SLC35F1: variants seen among roughly 807,000 people sequenced by gnomAD.
The protein encoded by SLC35F1 is solute carrier family 35 member F1.
SLC35F1 carries 14 observed loss-of-function variants against 48.7 expected under a neutral mutation model. That is an observed-to-expected ratio of 0.29 (90% confidence interval 0.19 to 0.45). SLC35F1 has a LOEUF of 0.45. Among genes scored for constraint, SLC35F1 ranks in the 20% least tolerant of loss-of-function variants. The pLI is 1.00. For synonymous variants in SLC35F1, 190 were observed against 202.2 expected, an observed-to-expected ratio of 0.94 and a Z score of 0.51; for missense variants, 404 against 500.0, an observed-to-expected ratio of 0.81 and a Z score of 1.83.
In SLC35F1 at chr6:118,287,183, A is replaced by G. The variant is rs530498869; in HGVS notation, c.1002+1845A>G. On this transcript the variant is annotated intron_variant, in intron 7 of 7. Coordinates refer to ENST00000360388, the MANE Select transcript of SLC35F1 (RefSeq NM_001029858.4). ...GCTGCTCCTAACCAGTGCTGGGAAG[A>G]CCAGCTTCCTTCAAAATCCCCCTCC... Among the ~76,000 whole-genome samples, 15 of 152,308 alleles carry G rather than the reference A, an allele frequency of 9.8e-5. No individual in the cohort carries two copies. The East Asian group carries it at 2.9e-3, about 29-fold the overall frequency.
chr6:118,089,954 G>C (rs1773049141), intron 1 of SLC35F1, among the ~76,000 whole-genome samples: 1 of 152,164 alleles, frequency 6.6e-6, no homozygotes, highest in Admixed American at 6.5e-5. Flanking sequence ...TAAAACAGCA[G>C]CTGGTAATGT....
chr6:118,139,125 T>G (rs895157410), intron 1 of SLC35F1, among the ~76,000 whole-genome samples: 2 of 152,114 alleles, frequency 1.3e-5, no homozygotes, highest in African/African-American at 4.8e-5. Flanking sequence ...TTTTTTTTTG[T>G]TTTTTGAGAC....
At chr6:118,030,244 G>A (rs1772026171) in intron 1 of SLC35F1, among the ~76,000 whole-genome samples, 1 of 152,194 alleles carries the variant, frequency 6.6e-6, no homozygotes. Context: ...TGTGGTCAGA[G>A]GTTTGTGTCT....
At chr6:117,951,654 G>A (rs1315252377) in intron 1 of SLC35F1, among the ~76,000 whole-genome samples, 1 of 152,170 alleles carries the variant, frequency 6.6e-6, no homozygotes, top group Non-Finnish European at 1.5e-5. Flanking sequence ...CTTGAAAGAA[G>A]TGTTAACCAG....
At chr6:118,009,517 T>C (rs1777218231) in intron 1 of SLC35F1, among the ~76,000 whole-genome samples, 1 of 152,168 alleles carries the variant, frequency 6.6e-6, no homozygotes, top group Admixed American at 6.6e-5. Context: ...CAGAAAACAC[T>C]GATTTGCTCT....
At chr6:118,235,664 A>G in intron 3 of SLC35F1, 28 bp downstream of exon 3, 2 of 1,605,608 alleles carry the variant, frequency 1.2e-6, no homozygotes, top group Admixed American at 1.7e-5. Context: ...TCCCTTCTCA[A>G]CTTCCTCTAT....
At chr6:118,297,666 TTATATAAGTTCTGAGAAATATATATTATA>T (rs918674318) in intron 7 of SLC35F1, among the ~76,000 whole-genome samples, 3 of 115,120 alleles carry the variant, frequency 2.6e-5, no homozygotes, top group African/African-American at 4.1e-5. Context: ...ATATATAATA[TTATATAAGTTCTGAGAAATATATATTATA>T]TATATAAGTT....
At chr6:118,244,709 A>G (rs1775485451) in intron 3 of SLC35F1, among the ~76,000 whole-genome samples, 1 of 152,156 alleles carries the variant, frequency 6.6e-6, no homozygotes, top group South Asian at 2.1e-4. Context: ...GTTTATTTGT[A>G]TATTTTCTCT....
intron 1 of SLC35F1, among the ~76,000 whole-genome samples, chr6:118,100,216 A>C (rs1440317160): frequency 6.6e-6 from 1 of 152,184 alleles, no homozygotes; most frequent in Non-Finnish European, 1.5e-5. Flanking sequence ...CCACCATGCC[A>C]TACTGCCTTG....
chr6:117,923,750 C>CATGTGT (rs1775967578), intron 1 of SLC35F1, among the ~76,000 whole-genome samples: 23 of 62,472 alleles, frequency 3.7e-4, no homozygotes, highest in South Asian at 1.9e-3. Context: ...CATATATGTA[C>CATGTGT]ATATATACAT....
intron 1 of SLC35F1, among the ~76,000 whole-genome samples, chr6:118,042,192 G>A (rs1772232161): frequency 6.6e-6 from 1 of 152,116 alleles, no homozygotes; most frequent in Non-Finnish European, 1.5e-5. Flanking sequence ...AATGCACTAT[G>A]TTCCAGGCAC....
intron 1 of SLC35F1, among the ~76,000 whole-genome samples, chr6:118,003,276 A>C (rs2114869651): frequency 6.6e-6 from 1 of 152,362 alleles, no homozygotes; most frequent in Non-Finnish European, 1.5e-5. Flanking sequence ...GAAGAGGTTA[A>C]GATAACTCTT....
intron 1 of SLC35F1, among the ~76,000 whole-genome samples, chr6:118,070,944 AGTATATATATACTGT>A (rs1266991427): frequency 2.1e-5 from 2 of 97,416 alleles, no homozygotes; most frequent in East Asian, 7.5e-4. Flanking sequence ...ATATATACAT[AGTATATATATACTGT>A]GTATATATAT....
intron 1 of SLC35F1, among the ~76,000 whole-genome samples, chr6:118,046,108 G>C (rs1345165666): frequency 6.6e-6 from 1 of 152,192 alleles, no homozygotes; most frequent in Non-Finnish European, 1.5e-5. Flanking sequence ...ATAATGCAAG[G>C]ATCTAGGGAC....
In SLC35F1 at chr6:118,126,946, C is replaced by T. The variant is rs1321869556; in HGVS notation, c.174-27499C>T. Among the ~76,000 whole-genome samples, 7 of 152,160 alleles carry T rather than the reference C, an allele frequency of 4.6e-5. No individual in the cohort carries two copies. In the East Asian group the frequency reaches 1.4e-3, roughly 29 times the overall value. On this transcript the variant is annotated intron_variant, in intron 1 of 7. Coordinates refer to ENST00000360388, the MANE Select transcript of SLC35F1 (RefSeq NM_001029858.4). ...CTGCAAACAGGGACAATTTGACTTC[C>T]TCTTTCCTAATTGAATACTCTTTAT...
chr6:118,035,393 G>C (rs1434487358), intron 1 of SLC35F1, among the ~76,000 whole-genome samples: 1 of 151,760 alleles, frequency 6.6e-6, no homozygotes, highest in East Asian at 2.0e-4. Context: ...GATCACCTGA[G>C]GTCAGGAGTT....
rs909721681 is a variant in SLC35F1, at chr6:118,316,851, C to G, written c.*2599C>G. 6 of 152,074 alleles carry G rather than the reference C, an allele frequency of 3.9e-5. No individual in the cohort carries two copies. Among genetic ancestry groups the G allele is most frequent in the African/African-American group, 1.5e-4 (6 of 41,362 alleles). The allele number at this position is 152,074 out of a possible 1,614,324, so 9.4% of individuals were successfully genotyped here. A position where few individuals can be genotyped will look rare whatever the true frequency, so the allele number is the denominator to read the frequency against. ...GTGACCTCAATGTGTTGGTTTGTCTCCATTTAGAAAGGTTGATAATATATT... is the reference window on the plus strand; with the variant it reads ...GTGACCTCAATGTGTTGGTTTGTCTGCATTTAGAAAGGTTGATAATATATT... On this transcript the variant is annotated 3_prime_UTR_variant, in exon 8 of 8. Transcript: ENST00000360388.
chr6:118,033,142 T>G (rs1370506942), intron 1 of SLC35F1, among the ~76,000 whole-genome samples: 1 of 152,210 alleles, frequency 6.6e-6, no homozygotes, highest in African/African-American at 2.4e-5. Context: ...CAAGTTTTTC[T>G]ATTTCATGAA....
At chr6:117,950,235 G>A (rs375666161) in intron 1 of SLC35F1, among the ~76,000 whole-genome samples, 2 of 152,264 alleles carry the variant, frequency 1.3e-5, no homozygotes, top group African/African-American at 4.8e-5. Context: ...ATGATTGGGG[G>A]CCCATACATC....
Sources: gnomAD v4.1 joint callset for allele counts (sites outside exome capture counted in the v4.1 genomes callset) on GRCh38, gnomAD v4.1.1 for gene constraint, MANE v1.5 for transcripts, NCBI Gene and HGNC (gene_info 2026-07-23, HGNC 2026-07-21) for gene names.